The following ARID1A variants were observed in gnomAD, a reference collection of about 807,000 sequenced individuals.
ARID1A encodes AT-rich interactive domain-containing protein 1A.
A neutral mutation model predicts 212.6 loss-of-function variants in ARID1A; 20 were observed. The observed-to-expected ratio is 0.09, with a 90% CI of 0.07 to 0.14. The LOEUF (loss-of-function observed/expected upper bound fraction) is 0.14, where lower values mean the gene tolerates loss of function less well. Among genes scored for constraint, ARID1A ranks in the 10% least tolerant of loss-of-function variants. The pLI, the probability that ARID1A is intolerant of heterozygous loss-of-function variation, is 1.00. For synonymous variants in ARID1A, 1,376 were observed against 1,222.1 expected (o/e 1.13, Z -2.63); for missense variants, 2,587 against 3,059.0 (o/e 0.85, Z 3.64).
At chr1:26,776,982 T>C (rs1182015809) in intron 19 of ARID1A, among the ~76,000 whole-genome samples, 6 of 152,254 alleles carry the variant, frequency 3.9e-5, no homozygotes, top group Admixed American at 6.5e-5. Context: ...AATTTTCATA[T>C]GCCAGGTATT....
At chr1:26,746,123 G>A (rs892080983) in intron 4 of ARID1A, among the ~76,000 whole-genome samples, 4 of 152,174 alleles carry the variant, frequency 2.6e-5, no homozygotes, top group Non-Finnish European at 5.9e-5. Flanking sequence ...TTGGAGAAAG[G>A]GAAGGAGTTA....
rs771451629 is a variant in ARID1A, at chr1:26,780,027, C to T, written c.6129C>T (p.Cys2043=). 5 of 1,614,008 alleles carry T rather than the reference C, an allele frequency of 3.1e-6. No individual in the cohort carries two copies. Among genetic ancestry groups the T allele is most frequent in the Non-Finnish European group, 4.2e-6 (5 of 1,180,028 alleles). The part of the protein sequence containing the change: ...KEEEQDQGVS[C]NKVEWWWDCL... ...AGGAACAGGACCAAGGGGTGAGCTG[C>T]AACAAAGTGGAGTGGTGGTGGGACT... is the stretch of plus-strand genomic sequence containing the variant. Residue 2043 remains cysteine, a synonymous_variant, in exon 20 of 20, where the codon TGC becomes TGT. Coordinates refer to ENST00000324856, the MANE Select transcript of ARID1A (RefSeq NM_006015.6). This position sits in a 1 kb window ranked among gnomAD's most constrained non-coding sequence, Gnocchi z 7.2.
chr1:26,775,723 T>C lies in ARID1A; in HGVS notation c.5124+16T>C, dbSNP rs749095383. 6.2e-7 allele frequency: 1 copy of C among 1,614,172 alleles called. No homozygotes were observed. The highest frequency in any genetic ancestry group is 8.5e-7 in the Non-Finnish European group (1 of 1,180,024). On this transcript the variant is annotated intron_variant, in intron 19 of 19. Transcript: ENST00000324856. Reference sequence around the variant, plus strand: ...CCTCAGTCAGGTGAGTATCAGTGCCTGGGGAAGATTGAGAGGGTTTGGGAT... The same window carrying C: ...CCTCAGTCAGGTGAGTATCAGTGCCCGGGGAAGATTGAGAGGGTTTGGGAT...
chr1:26,697,360 G>C lies in ARID1A; in HGVS notation c.957G>C (p.Gly319=). The C allele has an allele frequency of 7.6e-7, 1 of 1,318,082 alleles. No individual in the cohort carries two copies. Among genetic ancestry groups the C allele is most frequent in the Non-Finnish European group, 9.6e-7 (1 of 1,040,580 alleles). The allele number at this position is 1,318,082 out of a possible 1,614,324, so 81.6% of individuals were successfully genotyped here. A position where few individuals can be genotyped will look rare whatever the true frequency, so the allele number is the denominator to read the frequency against. The stretch of plus-strand genomic sequence containing the variant: ...ACCCCGGGGGCGACTACAGTGGCGG[G>C]CCCCAGGACGGGGGCGCCGGCAAGG... The part of the protein sequence containing the change: ...QGYPGGDYSG[G]PQDGGAGKGP... Residue 319 remains glycine, a synonymous_variant, in exon 1 of 20, where the codon GGG becomes GGC. Coordinates refer to ENST00000324856, the MANE Select transcript of ARID1A (RefSeq NM_006015.6).
chr1:26,779,925 C>T lies in ARID1A; in HGVS notation c.6027C>T (p.Leu2009=), dbSNP rs771725023. 2.9e-5 allele frequency: 46 copies of T among 1,614,020 alleles called. No homozygotes were observed. In the African/African-American group the frequency reaches 4.9e-4, roughly 17 times the overall value. Residue 2009 remains leucine, a synonymous_variant, in exon 20 of 20, where the codon CTC becomes CTT. Transcript: ENST00000324856. The stretch of plus-strand genomic sequence containing the variant: ...TGTCCAAACACCCAGGGCTGCTGCT[C>T]ATCCTGGGCAAGCTGATCCTGCTGC... The part of the protein sequence containing the change: ...FEMSKHPGLL[L]ILGKLILLHH...
Position 26,696,295 on chromosome 1 carries a change from C to G in ARID1A, c.-109C>G, listed in dbSNP as rs1441863691. 1 of 1,091,534 alleles carries G rather than the reference C, an allele frequency of 9.2e-7. No individual in the cohort carries two copies. The highest frequency in any genetic ancestry group is 1.1e-6 in the Non-Finnish European group (1 of 910,346). 67.6% of individuals were successfully genotyped at this position (1,091,534 alleles called of 1,614,324 possible). A position where few individuals can be genotyped will look rare whatever the true frequency, so the allele number is the denominator to read the frequency against. ...GCAGCGGAGCCCCGCGAGGCCCGCC[C>G]GGGCGGGTGGGGAGGGCAGCCCGGG... On this transcript the variant is annotated 5_prime_UTR_variant, in exon 1 of 20. Coordinates refer to ENST00000324856, the MANE Select transcript of ARID1A (RefSeq NM_006015.6).
rs1287406697 is a variant in ARID1A, at chr1:26,697,123, C to G, written c.720C>G (p.Gly240=). The part of the protein sequence containing the change: ...ALSSPRGGTP[G]SGAAAAAGSK... Reference sequence around the variant, plus strand: ...GCTCCCCGAGAGGTGGCACTCCGGGCTCCGGCGCGGCGGCGGCTGCCGGCT... The same window carrying G: ...GCTCCCCGAGAGGTGGCACTCCGGGGTCCGGCGCGGCGGCGGCTGCCGGCT... The change falls in exon 1 of 20, where the codon GGC becomes GGG. Residue 240 remains glycine (G), a synonymous_variant. Transcript: ENST00000324856. 2.1e-6 allele frequency: 3 copies of G among 1,443,786 alleles called. No individual in the cohort carries two copies. The highest frequency in any genetic ancestry group is 3.1e-5 in the Admixed American group (1 of 32,184). 89.4% of individuals were successfully genotyped at this position (1,443,786 alleles called of 1,614,324 possible). A position where few individuals can be genotyped will look rare whatever the true frequency, so the allele number is the denominator to read the frequency against.
chr1:26,738,719 C>T (rs537371946), intron 4 of ARID1A, among the ~76,000 whole-genome samples: 2 of 151,834 alleles, frequency 1.3e-5, no homozygotes, highest in East Asian at 1.9e-4. Flanking sequence ...CCACCACTCC[C>T]GGCTAGTTTT....
At chr1:26,710,070 A>C (rs1401060474) in intron 1 of ARID1A, among the ~76,000 whole-genome samples, 1 of 147,790 alleles carries the variant, frequency 6.8e-6, no homozygotes. Context: ...GACCTCAGGT[A>C]ATCCACCCAC....
At chr1:26,714,429 T>G (rs181178450) in intron 1 of ARID1A, among the ~76,000 whole-genome samples, 4 of 152,138 alleles carry the variant, frequency 2.6e-5, no homozygotes, top group East Asian at 1.9e-4. Context: ...TTTGTTTGTT[T>G]TTGAGACGGA....
rs971354921 is a variant in ARID1A, at chr1:26,779,171, C to G, written c.5273C>G (p.Pro1758Arg). The G allele has an allele frequency of 3.1e-6, 5 of 1,606,138 alleles. No homozygotes were observed. In the Admixed American group the frequency reaches 5.0e-5, roughly 16 times the overall value. ...TTCAGCAAGGTGTCTAGTCCAGCTCCCATGGAGGGTGGGGAAGAAGAAGAA... is the reference window on the plus strand; with the variant it reads ...TTCAGCAAGGTGTCTAGTCCAGCTCGCATGGAGGGTGGGGAAGAAGAAGAA... ...GRFSKVSSPAPMEGGEEEEEL... is the reference protein window; with the variant it reads ...GRFSKVSSPARMEGGEEEEEL... The change falls in exon 20 of 20, where the codon CCC (proline) becomes CGC (arginine). Residue 1758 changes from proline to arginine, a missense_variant. By Grantham distance (103) the Pro-to-Arg change is moderately radical. Coordinates refer to ENST00000324856, the MANE Select transcript of ARID1A (RefSeq NM_006015.6).
chr1:26,744,687 G>A (rs1206855563), intron 4 of ARID1A, among the ~76,000 whole-genome samples: 1 of 152,178 alleles, frequency 6.6e-6, no homozygotes, highest in African/African-American at 2.4e-5. Flanking sequence ...TCTGGCCCAA[G>A]CTTCCCTGAA....
chr1:26,774,035 C>A lies in ARID1A; in HGVS notation c.4101+137C>A. The A allele has an allele frequency of 8.3e-7, 1 of 1,202,890 alleles. No homozygotes were observed. The highest frequency in any genetic ancestry group is 1.2e-6 in the Non-Finnish European group (1 of 855,900). 74.5% of individuals were successfully genotyped at this position (1,202,890 alleles called of 1,614,324 possible). A position where few individuals can be genotyped will look rare whatever the true frequency, so the allele number is the denominator to read the frequency against. On this transcript the variant is annotated intron_variant, in intron 17 of 19. Transcript: ENST00000324856. This position sits in a 1 kb window ranked among gnomAD's most constrained non-coding sequence, Gnocchi z 5.6. ...TCTTCTCTCACCTGACTGGCCAGTCCTGCCTGAAGAGCCACGTCCTCAATC... is the reference window on the plus strand; with the variant it reads ...TCTTCTCTCACCTGACTGGCCAGTCATGCCTGAAGAGCCACGTCCTCAATC...
At position 26,774,934 on chromosome 1, in the gene ARID1A, A is replaced by C. The variant is rs904849644; in HGVS notation, c.4707A>C (p.Pro1569=). Residue 1569 remains proline, a synonymous_variant, in exon 18 of 20, where the codon CCA becomes CCC. Coordinates refer to ENST00000324856, the MANE Select transcript of ARID1A (RefSeq NM_006015.6). This position sits in a 1 kb window ranked among gnomAD's most constrained non-coding sequence, Gnocchi z 5.6. ...APVPPMTRPP[P]SNYQPPPSMQ... ...TGCCCCCCATGACAAGGCCCCCTCC[A>C]TCTAACTACCAGCCCCCACCAAGCA... 1.2e-6 allele frequency: 1 copy of C among 814,824 alleles called. No homozygotes were observed. Among genetic ancestry groups the C allele is most frequent in the Non-Finnish European group, 1.7e-6 (1 of 582,692 alleles). 50.5% of individuals were successfully genotyped at this position (814,824 alleles called of 1,614,324 possible). A position where few individuals can be genotyped will look rare whatever the true frequency, so the allele number is the denominator to read the frequency against.
chr1:26,773,064 G>A (rs2081097997), intron 14 of ARID1A, 77 bp downstream of exon 14: 1 of 1,538,218 alleles, frequency 6.5e-7, no homozygotes, highest in Non-Finnish European at 8.8e-7. Flanking sequence ...CTTGAGAATG[G>A]CTCAGGGTTC....
rs551101275 is a variant in ARID1A, at chr1:26,726,178, T to G, written c.1138-3473T>G. Among the ~76,000 whole-genome samples the G allele has an allele frequency of 6.1e-5, 9 of 147,642 alleles. No homozygotes were observed. The South Asian group carries it at 8.6e-4, about 14-fold the overall frequency. ...GCCTTGGGTTTGTTTTTTTTTGTTT[T>G]TTTTTTTTTTTTGAGACAGACTCTT... is the stretch of plus-strand genomic sequence containing the variant. On this transcript the variant is annotated intron_variant, in intron 1 of 19. Coordinates refer to ENST00000324856, the MANE Select transcript of ARID1A (RefSeq NM_006015.6).
At chr1:26,719,045 T>G (rs1311461747) in intron 1 of ARID1A, among the ~76,000 whole-genome samples, 2 of 152,186 alleles carry the variant, frequency 1.3e-5, no homozygotes, top group African/African-American at 4.8e-5. Context: ...GGGGTACTCC[T>G]GTAGATCCAA....
intron 4 of ARID1A, among the ~76,000 whole-genome samples, chr1:26,740,579 G>C (rs2080778817): frequency 6.6e-6 from 1 of 152,178 alleles, no homozygotes. Context: ...GGAAGTAACA[G>C]GAAGGAAAGC....
At chr1:26,723,758 T>C (rs955522529) in intron 1 of ARID1A, among the ~76,000 whole-genome samples, 2 of 152,112 alleles carry the variant, frequency 1.3e-5, no homozygotes, top group African/African-American at 4.8e-5. Context: ...GCAGCAGGCA[T>C]GCACCAGAGG....
Sources: gnomAD v4.1 joint callset for allele counts (sites outside exome capture counted in the v4.1 genomes callset) on GRCh38, gnomAD v4.1.1 for gene constraint, Gnocchi (gnomAD v3.1) non-coding constraint, MANE v1.5 for transcripts, NCBI Gene and HGNC (gene_info 2026-07-23, HGNC 2026-07-21) for gene names.